ELP4: variants seen among roughly 807,000 people sequenced by gnomAD.
ELP4 encodes the protein elongator complex protein 4.
ELP4 carries 51 observed loss-of-function variants against 48.9 expected under a neutral mutation model. The observed-to-expected ratio is 1.04, with a 90% confidence interval of 0.83 to 1.32. ELP4 has a LOEUF of 1.32. ELP4 is among the 40% of genes most tolerant of loss of function. The pLI is 0.00. For synonymous variants in ELP4, 210 were observed against 189.2 expected (o/e 1.11, Z -0.90); for missense variants, 519 against 514.6 (o/e 1.01, Z -0.08).
intron 9 of ELP4, among the ~76,000 whole-genome samples, chr11:31,754,589 G>A (rs973465104): frequency 6.6e-6 from 1 of 152,054 alleles, no homozygotes; most frequent in Non-Finnish European, 1.5e-5. Context: ...CCTCTCCCCA[G>A]GCTGGGCATG....
rs962655422 is a variant in ELP4, at chr11:31,787,650, T to C, written c.*4126T>C. On this transcript the variant is annotated 3_prime_UTR_variant, in exon 10 of 10. Transcript: ENST00000640961. ...TGCTCACTCCCCTGCAGAAATGTGC[T>C]GCTGTGCAGTGCAGGCTGACACTGA... 4.3e-6 allele frequency: 1 copy of C among 231,638 alleles called. No homozygotes were observed. The highest frequency in any genetic ancestry group is 8.5e-6 in the Non-Finnish European group (1 of 117,128). 14.3% of individuals were successfully genotyped at this position (231,638 alleles called of 1,614,324 possible).
intron 2 of ELP4, among the ~76,000 whole-genome samples, chr11:31,527,333 C>G (rs1250085503): frequency 6.6e-6 from 1 of 152,060 alleles, no homozygotes; most frequent in Non-Finnish European, 1.5e-5. Context: ...TCAGTAATCT[C>G]CAGACATCGC....
chr11:31,571,469 T>A (rs926391500), intron 3 of ELP4, among the ~76,000 whole-genome samples: 2 of 152,176 alleles, frequency 1.3e-5, no homozygotes, highest in Non-Finnish European at 2.9e-5. Flanking sequence ...TCCATGAGGA[T>A]TGGAATCAAC....
intron 7 of ELP4, among the ~76,000 whole-genome samples, chr11:31,643,509 G>T (rs1392516290): frequency 1.3e-5 from 2 of 151,658 alleles, no homozygotes; most frequent in African/African-American, 4.8e-5. Context: ...AATTAGTTTT[G>T]GGAAAATAAG....
At chr11:31,598,503 C>CTTTTTTTTTTTTTTTTTTTTTTTTTTTT (rs10702222) in intron 4 of ELP4, among the ~76,000 whole-genome samples, 4 of 77,738 alleles carry the variant, frequency 5.1e-5, no homozygotes, top group Non-Finnish European at 6.7e-5. Context: ...TTTTCTTCTT[C>CTTTTTTTTTTTTTTTTTTTTTTTTTTTT]TTTTTTTTTT....
At chr11:31,736,401 A>G (rs968477410) in intron 9 of ELP4, among the ~76,000 whole-genome samples, 1 of 152,220 alleles carries the variant, frequency 6.6e-6, no homozygotes, top group Non-Finnish European at 1.5e-5. Flanking sequence ...AATACCATTC[A>G]GGACATAGGC....
At chr11:31,564,677 CT>C (rs1957077514) in intron 3 of ELP4, among the ~76,000 whole-genome samples, 1 of 152,122 alleles carries the variant, frequency 6.6e-6, no homozygotes, top group African/African-American at 2.4e-5. Flanking sequence ...TGGTTTCCAG[CT>C]TCGTCTATGT....
chr11:31,783,367 T>TC, intron 9 of ELP4, 26 bp from the exon 10 acceptor site: 1 of 1,589,678 alleles, frequency 6.3e-7, no homozygotes, highest in Admixed American at 1.8e-5. Context: ...CTTCTTTTTT[T>TC]CTTCTCCTGA....
chr11:31,566,364 A>C (rs1174466534), intron 3 of ELP4, among the ~76,000 whole-genome samples: 1 of 152,190 alleles, frequency 6.6e-6, no homozygotes, highest in Non-Finnish European at 1.5e-5. Context: ...TCTCCAAAAA[A>C]AAAAAAGATT....
At chr11:31,745,632 C>G (rs1242397508) in intron 9 of ELP4, among the ~76,000 whole-genome samples, 5 of 152,112 alleles carry the variant, frequency 3.3e-5, no homozygotes, top group African/African-American at 4.8e-5. Flanking sequence ...CAAAAACAAG[C>G]AATGGGGAAA....
intron 9 of ELP4, among the ~76,000 whole-genome samples, chr11:31,761,468 T>C (rs1364342390): frequency 6.6e-6 from 1 of 152,198 alleles, no homozygotes; most frequent in Admixed American, 6.5e-5. Context: ...AATATACTTT[T>C]TCACCAGAAT....
intron 9 of ELP4, among the ~76,000 whole-genome samples, chr11:31,735,309 G>A (rs1468327088): frequency 6.6e-6 from 1 of 152,008 alleles, no homozygotes; most frequent in African/African-American, 2.4e-5. Flanking sequence ...AAAGCTGTAT[G>A]ACATTGATCT....
chr11:31,673,449 G>A (rs558317150), intron 9 of ELP4, among the ~76,000 whole-genome samples: 7 of 152,022 alleles, frequency 4.6e-5, no homozygotes, highest in East Asian at 1.9e-4. Context: ...CTCCTGCCTC[G>A]TCCTCCCAAG....
intron 3 of ELP4, among the ~76,000 whole-genome samples, chr11:31,565,168 A>G (rs944468513): frequency 6.6e-6 from 1 of 152,170 alleles, no homozygotes; most frequent in African/African-American, 2.4e-5. Context: ...GGTTGCATAA[A>G]TGTCTTCTTT....
intron 9 of ELP4, chr11:31,652,344 CAT>C (rs1035322369): frequency 6.6e-6 from 1 of 151,454 alleles, no homozygotes; most frequent in African/African-American, 2.4e-5. Context: ...AATGGAAGTA[CAT>C]ATATAGGTAT....
chr11:31,642,589 G>A (rs1159595266), intron 7 of ELP4, among the ~76,000 whole-genome samples: 1 of 151,782 alleles, frequency 6.6e-6, no homozygotes, highest in African/African-American at 2.4e-5. Context: ...ATTACTATAT[G>A]ATGCTAGGCA....
chr11:31,738,097 A>T (rs1349828432), intron 9 of ELP4, among the ~76,000 whole-genome samples: 1 of 151,982 alleles, frequency 6.6e-6, no homozygotes, highest in African/African-American at 2.4e-5. Flanking sequence ...ATCCAGCCTT[A>T]ATAAAGAAGG....
chr11:31,601,207 GTTTTAT>G (rs1957774407), intron 4 of ELP4, among the ~76,000 whole-genome samples: 1 of 144,212 alleles, frequency 6.9e-6, no homozygotes, highest in African/African-American at 2.9e-5. Flanking sequence ...CTAAGTCTTT[GTTTTAT>G]AATTCTAGGC....
intron 4 of ELP4, among the ~76,000 whole-genome samples, chr11:31,597,952 C>CT (rs58093641): frequency 0.25 from 24,188 of 96,204 alleles, 4,564 homozygotes; most frequent in Non-Finnish European, 0.29. Flanking sequence ...AGCCTTTTCT[C>CT]TTTTTTTTTT....
Sources: allele counts gnomAD v4.1 joint callset (sites outside exome capture counted in the v4.1 genomes callset), GRCh38; gene constraint gnomAD v4.1.1; transcripts MANE v1.5; gene names NCBI Gene and HGNC (gene_info 2026-07-23, HGNC 2026-07-21).